Variants in CDK14 observed in about 807,000 individuals in gnomAD.
CDK14 encodes the protein cyclin-dependent kinase 14.
In CDK14, 34 loss-of-function variants were observed where a neutral mutation model predicts 60.7. That is an observed-to-expected ratio of 0.56 (90% CI 0.43 to 0.75). CDK14 has a LOEUF of 0.75. CDK14 is among the 30% of genes least tolerant of loss of function. The probability of loss-of-function intolerance (pLI) is 0.00; values close to 1 mark genes in which losing one functional copy is unlikely to be tolerated. For synonymous variants in CDK14, 197 were observed against 203.7 expected (o/e 0.97, Z 0.28); for missense variants, 482 against 564.1 (o/e 0.85, Z 1.47).
intron 4 of CDK14, among the ~76,000 whole-genome samples, chr7:90,783,294 T>G (rs1361604956): frequency 1.3e-5 from 2 of 152,214 alleles, no homozygotes; most frequent in African/African-American, 4.8e-5. Context: ...TGTTATACTA[T>G]TGTTTTATTA....
chr7:90,613,563 C>T (rs1377944073), intron 2 of CDK14, among the ~76,000 whole-genome samples: 5 of 151,682 alleles, frequency 3.3e-5, no homozygotes, highest in African/African-American at 1.2e-4. Flanking sequence ...GGCAGGTGCC[C>T]GTAATCCCAG....
intron 5 of CDK14, among the ~76,000 whole-genome samples, chr7:90,794,159 G>A (rs1280639949): frequency 4.6e-5 from 7 of 152,166 alleles, no homozygotes; most frequent in Admixed American, 4.6e-4. Flanking sequence ...AAAAGGGGAG[G>A]GAGTGTATGA....
chr7:90,626,007 G>A (rs900151958), intron 2 of CDK14, among the ~76,000 whole-genome samples: 4 of 152,198 alleles, frequency 2.6e-5, no homozygotes, highest in African/African-American at 9.6e-5. Flanking sequence ...TATGGAAGAA[G>A]AACTATGAGT....
At chr7:91,036,861 C>G (rs1182796628) in intron 10 of CDK14, among the ~76,000 whole-genome samples, 1 of 152,094 alleles carries the variant, frequency 6.6e-6, no homozygotes, top group Non-Finnish European at 1.5e-5. Context: ...CTGCATTGTT[C>G]AAGGGCCAGT....
At chr7:91,096,544 A>G (rs575066273) in intron 12 of CDK14, among the ~76,000 whole-genome samples, 2 of 152,204 alleles carry the variant, frequency 1.3e-5, no homozygotes, top group African/African-American at 4.8e-5. Context: ...AAACTATGAG[A>G]TAATAAATAT....
intron 10 of CDK14, among the ~76,000 whole-genome samples, chr7:91,018,375 C>A (rs1029442734): frequency 6.6e-6 from 1 of 152,180 alleles, no homozygotes; most frequent in Non-Finnish European, 1.5e-5. Context: ...ACAATGGAAA[C>A]TTACTTCTCA....
intron 2 of CDK14, among the ~76,000 whole-genome samples, chr7:90,715,438 C>A (rs915228934): frequency 6.6e-6 from 1 of 151,990 alleles, no homozygotes; most frequent in Non-Finnish European, 1.5e-5. Flanking sequence ...GTGCTTCTGA[C>A]ATGGTAGACA....
At position 90,826,632 on chromosome 7, in the gene CDK14, T is replaced by C. The variant is rs531930201; in HGVS notation, c.544+35980T>C. On this transcript the variant is annotated intron_variant, in intron 5 of 14. Coordinates refer to ENST00000380050, the MANE Select transcript of CDK14 (RefSeq NM_001287135.2). ...GGAGTTTTTTGTTTTTTAAAAAGGC[T>C]TAATTTTTAATTAAAAAATTTTTTA... 2.0e-4 allele frequency among the ~76,000 whole-genome samples: 30 copies of C among 152,348 alleles called. No individual in the cohort carries two copies. The South Asian group carries it at 5.4e-3, about 27-fold the overall frequency.
intron 14 of CDK14, among the ~76,000 whole-genome samples, chr7:91,119,793 A>T (rs1191125790): frequency 6.6e-6 from 1 of 152,196 alleles, no homozygotes; most frequent in African/African-American, 2.4e-5. Context: ...AGTATGATGT[A>T]TAAATGACAG....
chr7:90,710,207 A>C (rs960639339), intron 2 of CDK14: 12 of 985,238 alleles, frequency 1.2e-5, no homozygotes, highest in Non-Finnish European at 1.4e-5. Context: ...TGTAGTTTGT[A>C]AACACCAGTA....
At chr7:90,758,810 C>T (rs1184526188) in intron 4 of CDK14, among the ~76,000 whole-genome samples, 1 of 152,218 alleles carries the variant, frequency 6.6e-6, no homozygotes, top group Non-Finnish European at 1.5e-5. Context: ...TATCCCAGCA[C>T]TTTGCAAGGG....
intron 14 of CDK14, among the ~76,000 whole-genome samples, chr7:91,154,914 C>T (rs2115707944): frequency 6.6e-6 from 1 of 152,196 alleles, no homozygotes; most frequent in East Asian, 1.9e-4. Context: ...AAAAAATGAG[C>T]CAAACGTTTT....
chr7:90,661,428 G>A (rs1016177695), intron 2 of CDK14, among the ~76,000 whole-genome samples: 1 of 152,146 alleles, frequency 6.6e-6, no homozygotes, highest in Admixed American at 6.5e-5. Flanking sequence ...GTGCCGAATT[G>A]TTTGTTAGTT....
At chr7:91,047,932 T>C (rs1240069318) in intron 11 of CDK14, among the ~76,000 whole-genome samples, 2 of 152,108 alleles carry the variant, frequency 1.3e-5, no homozygotes, top group Admixed American at 6.6e-5. Context: ...GAAGAAAATA[T>C]ACAAGCCCAA....
chr7:90,882,116 G>C (rs753347761), intron 6 of CDK14, among the ~76,000 whole-genome samples: 4 of 152,074 alleles, frequency 2.6e-5, no homozygotes, highest in Non-Finnish European at 4.4e-5. Context: ...TGGGCTAAAT[G>C]CCTCAATTAA....
At chr7:91,048,530 T>C (rs754647988) in intron 11 of CDK14, among the ~76,000 whole-genome samples, 4 of 152,168 alleles carry the variant, frequency 2.6e-5, no homozygotes, top group Non-Finnish European at 4.4e-5. Context: ...TTAGGAGAAA[T>C]AAGGATAAAG....
At chr7:90,655,399 A>G (rs1022770548) in intron 2 of CDK14, among the ~76,000 whole-genome samples, 2 of 152,196 alleles carry the variant, frequency 1.3e-5, no homozygotes, top group African/African-American at 2.4e-5. Context: ...GAGATGGTCT[A>G]TCGGTTTAAA....
At chr7:90,755,635 AG>A (rs1221163696) in intron 4 of CDK14, among the ~76,000 whole-genome samples, 11 of 152,220 alleles carry the variant, frequency 7.2e-5, no homozygotes, top group African/African-American at 2.4e-4. Context: ...TTACTTAAAA[AG>A]TATTTTTTTA....
intron 5 of CDK14, among the ~76,000 whole-genome samples, chr7:90,834,623 C>A (rs1790030202): frequency 6.6e-6 from 1 of 152,076 alleles, no homozygotes; most frequent in Admixed American, 6.6e-5. Flanking sequence ...AAGTTTATAA[C>A]CTGGAGATGG....
Sources: gnomAD v4.1 joint callset for allele counts (sites outside exome capture counted in the v4.1 genomes callset) on GRCh38, gnomAD v4.1.1 for gene constraint, MANE v1.5 for transcripts, NCBI Gene and HGNC (gene_info 2026-07-23, HGNC 2026-07-21) for gene names.